The following PPP2R2C variants were observed in gnomAD, a reference collection of about 807,000 sequenced individuals.
The protein encoded by PPP2R2C is protein phosphatase 2 regulatory subunit Bgamma, also known as protein phosphatase 2, regulatory subunit B, gamma.
Under a neutral mutation model 45.3 loss-of-function variants are expected in PPP2R2C, and 10 were observed. The observed-to-expected ratio is 0.22, with a 90% CI of 0.14 to 0.37. PPP2R2C has a LOEUF of 0.37. Ranked by LOEUF, PPP2R2C falls within the 10% of genes least tolerant of loss-of-function variation. The pLI, the probability that PPP2R2C is intolerant of heterozygous loss-of-function variation, is 1.00. For missense variants in PPP2R2C, 308 were observed against 619.7 expected, an observed-to-expected ratio of 0.50 and a Z score of 5.34; for synonymous variants, 257 against 245.4, an observed-to-expected ratio of 1.05 and a Z score of -0.44.
rs1224802112 is a variant in PPP2R2C at position 6,471,833 on chromosome 4, T to C, written c.70+327A>G. Reference sequence around the variant, plus strand: ...TTCTTCACCAGATTAGCCACAGCCGTGGCCTTTTAAAAAATTATGGTCAGG... The same window carrying C: ...TTCTTCACCAGATTAGCCACAGCCGCGGCCTTTTAAAAAATTATGGTCAGG... On this transcript the variant is annotated intron_variant, in intron 1 of 8. Transcript: ENST00000382599. This position sits in a 1 kb window ranked among gnomAD's most constrained non-coding sequence, Gnocchi z 5.6. 4 of 357,612 alleles carry C rather than the reference T, an allele frequency of 1.1e-5. No homozygotes were observed. Among genetic ancestry groups the C allele is most frequent in the African/African-American group, 2.1e-5 (1 of 47,790 alleles). 22.2% of individuals were successfully genotyped at this position (357,612 alleles called of 1,614,324 possible).
chr4:6,399,544 G>A (rs539342317), intron 1 of PPP2R2C, among the ~76,000 whole-genome samples: 367 of 152,286 alleles, frequency 2.4e-3, no homozygotes, highest in Non-Finnish European at 4.0e-3. Flanking sequence ...CCAGGCACAG[G>A]GTAGAATTCA....
chr4:6,504,891 C>A (rs760630325), intron 2 of PPP2R2C, among the ~76,000 whole-genome samples: 1 of 152,066 alleles, frequency 6.6e-6, no homozygotes, highest in Non-Finnish European at 1.5e-5. Flanking sequence ...ATAACAATGG[C>A]TGAAAATGAC....
intron 1 of PPP2R2C, among the ~76,000 whole-genome samples, chr4:6,443,256 C>T (rs1720243491): frequency 1.3e-5 from 2 of 152,216 alleles, no homozygotes; most frequent in Non-Finnish European, 2.9e-5. Flanking sequence ...GCTCTGGCCC[C>T]ATCAACCTTA....
intron 2 of PPP2R2C, 147 bp downstream of exon 2, chr4:6,380,850 C>T: frequency 1.6e-6 from 2 of 1,277,688 alleles, no homozygotes; most frequent in East Asian, 2.6e-5. Flanking sequence ...GTTAAAAGCC[C>T]TCTTGTGGGT....
At chr4:6,479,689 C>A (rs1722282758) in intron 2 of PPP2R2C, among the ~76,000 whole-genome samples, 1 of 151,756 alleles carries the variant, frequency 6.6e-6, no homozygotes, top group South Asian at 2.1e-4. Context: ...TATCCCAGGA[C>A]CTTTTCAACG....
At chr4:6,335,335 G>A (rs1465701227) in intron 6 of PPP2R2C, among the ~76,000 whole-genome samples, 1 of 152,170 alleles carries the variant, frequency 6.6e-6, no homozygotes, top group African/African-American at 2.4e-5. Context: ...GGTGCTGTTT[G>A]ACCAAGGTCT....
chr4:6,527,981 T>C (rs561762198), intron 2 of PPP2R2C, among the ~76,000 whole-genome samples: 1 of 152,298 alleles, frequency 6.6e-6, no homozygotes, highest in East Asian at 1.9e-4. Context: ...TGATCCACGG[T>C]CCCAGCAACT....
chr4:6,351,084 C>G lies in PPP2R2C; in HGVS notation c.626-3074G>C, dbSNP rs981064558. Reference sequence around the variant, plus strand: ...CTTTGGGAGGTCAAGGCGAGCAGGTCACCTGAGCTCAGGAGTTCGAGACCA... The same window carrying G: ...CTTTGGGAGGTCAAGGCGAGCAGGTGACCTGAGCTCAGGAGTTCGAGACCA... On this transcript the variant is annotated intron_variant, in intron 5 of 8. Coordinates refer to ENST00000382599, the MANE Select transcript of PPP2R2C (RefSeq NM_020416.4). 1.8e-5 allele frequency: 17 copies of G among 931,936 alleles called. No individual in the cohort carries two copies. The South Asian group carries it at 4.0e-4, about 22-fold the overall frequency. The allele number at this position is 931,936 out of a possible 1,614,324, so 57.7% of individuals were successfully genotyped here.
rs1291871014 is a variant in PPP2R2C, at chr4:6,364,429, C to A, written c.625+8094G>T. 1.3e-5 allele frequency among the ~76,000 whole-genome samples: 2 copies of A among 151,668 alleles called. No homozygotes were observed. Among genetic ancestry groups the A allele is most frequent in the African/African-American group, 4.8e-5 (2 of 41,308 alleles). ...CCAGAGAAAGGGGCGGAGTTACTTC[C>A]AGTTGGGAGAAGTTGCTGAAGGGTT... is the stretch of plus-strand genomic sequence containing the variant. On this transcript the variant is annotated intron_variant, in intron 5 of 8. Coordinates refer to ENST00000382599, the MANE Select transcript of PPP2R2C (RefSeq NM_020416.4). This position sits in a 1 kb window ranked among gnomAD's most constrained non-coding sequence, Gnocchi z 5.3.
At chr4:6,551,017 C>T (rs1418452660) in intron 1 of PPP2R2C, among the ~76,000 whole-genome samples, 6 of 152,190 alleles carry the variant, frequency 3.9e-5, no homozygotes, top group Admixed American at 1.3e-4. Context: ...ATACCTTCCT[C>T]GCCTCCGGGG....
chr4:6,516,595 G>A (rs527697136), intron 2 of PPP2R2C, among the ~76,000 whole-genome samples: 2 of 152,370 alleles, frequency 1.3e-5, no homozygotes, highest in South Asian at 2.1e-4. Flanking sequence ...CCCTGTGAGC[G>A]TGTGCTGCCT....
intron 1 of PPP2R2C, among the ~76,000 whole-genome samples, chr4:6,464,794 G>A (rs1560567782): frequency 6.6e-6 from 1 of 151,968 alleles, no homozygotes; most frequent in Non-Finnish European, 1.5e-5. Context: ...CAAGGTTAAG[G>A]GGGAACGATG....
At chr4:6,509,015 T>C (rs755134802) in intron 2 of PPP2R2C, among the ~76,000 whole-genome samples, 3 of 152,252 alleles carry the variant, frequency 2.0e-5, no homozygotes, top group Non-Finnish European at 4.4e-5. Context: ...TCTCTCACTC[T>C]GCCTTTTGCC....
rs575147998 is a variant in PPP2R2C at position 6,453,826 on chromosome 4, G to T, written c.70+18334C>A. On this transcript the variant is annotated intron_variant, in intron 1 of 8. Coordinates refer to ENST00000382599, the MANE Select transcript of PPP2R2C (RefSeq NM_020416.4). ...GAAGGCAAGCACAGCCCCACCGAGG[G>T]CCACGTTGGCTGATGTGGGCACCTG... Among the ~76,000 whole-genome samples, 22 of 152,290 alleles carry T rather than the reference G, an allele frequency of 1.4e-4. No homozygotes were observed. The South Asian group carries it at 4.6e-3, about 32-fold the overall frequency.
At chr4:6,535,026 G>C (rs1724556613) in intron 2 of PPP2R2C, among the ~76,000 whole-genome samples, 1 of 152,242 alleles carries the variant, frequency 6.6e-6, no homozygotes, top group African/African-American at 2.4e-5. Flanking sequence ...GCGCATGAAG[G>C]GGGCCTCACC....
chr4:6,499,542 C>G (rs1031883778), intron 2 of PPP2R2C, among the ~76,000 whole-genome samples: 1 of 152,190 alleles, frequency 6.6e-6, no homozygotes, highest in Non-Finnish European at 1.5e-5. Context: ...CTCCCACATT[C>G]TTGTCCTTCC....
rs1012463838 is a variant in PPP2R2C at position 6,378,814 on chromosome 4, A to G, written c.169-242T>C. ...CACACCCGAGCCGGCTAACTTGCTA[A>G]TGCGAATGTTCCCCAGCGCCTGCTA... is the stretch of plus-strand genomic sequence containing the variant. On this transcript the variant is annotated intron_variant, in intron 2 of 8. Transcript: ENST00000382599. The surrounding 1 kb of genome is among the most constrained non-coding windows in gnomAD (Gnocchi z 5.2). Among the ~76,000 whole-genome samples the G allele has an allele frequency of 1.3e-5, 2 of 151,960 alleles. No homozygotes were observed. Among genetic ancestry groups the G allele is most frequent in the African/African-American group, 4.8e-5 (2 of 41,380 alleles).
intron 1 of PPP2R2C, among the ~76,000 whole-genome samples, chr4:6,562,471 G>C (rs1412836975): frequency 1.9e-5 from 2 of 105,634 alleles, no homozygotes; most frequent in Admixed American, 8.6e-5. Context: ...ACGGAGTCGG[G>C]GGGGGGGGTT....
chr4:6,455,946 G>C (rs1032186227), intron 1 of PPP2R2C, among the ~76,000 whole-genome samples: 1 of 151,938 alleles, frequency 6.6e-6, no homozygotes, highest in Admixed American at 6.6e-5. Context: ...CCCTCACACC[G>C]GATCACAGCC....
Sources: allele counts gnomAD v4.1 joint callset (sites outside exome capture counted in the v4.1 genomes callset), GRCh38; gene constraint gnomAD v4.1.1; non-coding constraint Gnocchi (gnomAD v3.1); transcripts MANE v1.5; gene names NCBI Gene and HGNC (gene_info 2026-07-23, HGNC 2026-07-21).